The following DLG2 variants were observed in gnomAD, a reference collection of about 807,000 sequenced individuals.
DLG2 encodes the protein discs large MAGUK scaffold protein 2.
DLG2 carries 45 observed loss-of-function variants against 132.5 expected under a neutral mutation model. The ratio of observed to expected loss-of-function variants is 0.34; its 90% CI spans 0.27 to 0.44. DLG2 has a LOEUF of 0.44. Among genes scored for constraint, DLG2 ranks in the 20% least tolerant of loss-of-function variants. DLG2 has a pLI of 1.00. For missense variants in DLG2, 1,045 were observed against 1,196.9 expected (o/e 0.87, Z 1.87); for synonymous variants, 424 against 419.6 (o/e 1.01, Z -0.13).
At chr11:84,001,035 A>C (rs2094319039) in intron 11 of DLG2, among the ~76,000 whole-genome samples, 1 of 152,086 alleles carries the variant, frequency 6.6e-6, no homozygotes, top group Admixed American at 6.6e-5. Context: ...AGGAACAAAG[A>C]ACATACAGAA....
rs754062815 is a variant in DLG2 at position 84,474,025 on chromosome 11, A to G, written c.519+60545T>C. On this transcript the variant is annotated intron_variant, in intron 7 of 27. Coordinates refer to ENST00000376104, the MANE Select transcript of DLG2 (RefSeq NM_001142699.3). ...CTCCTATTTATGTCATCCTGCCACA[A>G]TGAGCATGCAGTTGTTCAATTCATA... Among the ~76,000 whole-genome samples the G allele has an allele frequency of 1.6e-4, 25 of 152,144 alleles. No homozygotes were observed. In the Middle Eastern group the frequency reaches 0.01, roughly 62 times the overall value.
intron 16 of DLG2, among the ~76,000 whole-genome samples, chr11:83,851,902 G>A (rs1352275235): frequency 6.7e-6 from 1 of 150,142 alleles, no homozygotes; most frequent in South Asian, 2.1e-4. Context: ...CTGGGTGACA[G>A]AGCGAGACTC....
At chr11:84,851,679 A>T (rs1282294845) in intron 6 of DLG2, among the ~76,000 whole-genome samples, 1 of 152,046 alleles carries the variant, frequency 6.6e-6, no homozygotes, top group Non-Finnish European at 1.5e-5. Context: ...TTTATCATAA[A>T]GAAAGTCTCA....
chr11:83,979,809 T>G (rs2092622261), intron 12 of DLG2, among the ~76,000 whole-genome samples: 1 of 152,152 alleles, frequency 6.6e-6, no homozygotes, highest in African/African-American at 2.4e-5. Context: ...AGCCAGGGTG[T>G]TGTTTCTATT....
rs774130814 is a variant in DLG2, at chr11:83,930,255, C to T, written c.1496+73G>A. 6.6e-5 allele frequency: 102 copies of T among 1,535,900 alleles called. No individual in the cohort carries two copies. In the Admixed American group the frequency reaches 1.2e-3, roughly 18 times the overall value. ...TTAGTGCAAGAGAAGTGAGCAGAGG[C>T]GGATTCTACCCATTTATCCTTGTGG... is the stretch of plus-strand genomic sequence containing the variant. On this transcript the variant is annotated intron_variant, in intron 15 of 27. Transcript: ENST00000376104.
At position 84,094,414 on chromosome 11, in the gene DLG2, G is replaced by A. The variant is rs377070926; in HGVS notation, c.749+4509C>T. On this transcript the variant is annotated intron_variant, in intron 10 of 27. Transcript: ENST00000376104. Reference sequence around the variant, plus strand: ...AGAGTTCAGATTTACTACTCTCCTTGGAGCAAACCCATCACCTTATTTCTG... The same window carrying A: ...AGAGTTCAGATTTACTACTCTCCTTAGAGCAAACCCATCACCTTATTTCTG... 1.7e-3 allele frequency among the ~76,000 whole-genome samples: 262 copies of A among 152,136 alleles called. 2 individuals carry two copies. The highest frequency in any genetic ancestry group is 6.2e-3 in the African/African-American group (256 of 41,486).
intron 11 of DLG2, among the ~76,000 whole-genome samples, chr11:84,051,185 A>C (rs531675391): frequency 8.2e-4 from 124 of 152,116 alleles, no homozygotes; most frequent in African/African-American, 2.9e-3. Flanking sequence ...GGGAGTGTAA[A>C]CTAGTTCAAC....
At chr11:83,728,453 C>T (rs1446609881) in intron 18 of DLG2, among the ~76,000 whole-genome samples, 1 of 152,224 alleles carries the variant, frequency 6.6e-6, no homozygotes. Context: ...CACACTCAAA[C>T]ACTGCTGCCT....
intron 15 of DLG2, among the ~76,000 whole-genome samples, chr11:83,895,780 C>T (rs1449561120): frequency 6.6e-6 from 1 of 152,200 alleles, no homozygotes; most frequent in African/African-American, 2.4e-5. Context: ...GGCATGTCCT[C>T]ATCAAGGCAT....
intron 3 of DLG2, among the ~76,000 whole-genome samples, chr11:85,475,046 A>G (rs1352882510): frequency 6.6e-6 from 1 of 151,688 alleles, no homozygotes; most frequent in Non-Finnish European, 1.5e-5. Context: ...TTAAAGACTA[A>G]TAAGATAAGC....
Position 85,175,536 on chromosome 11 carries a change from C to T in DLG2, c.187-20885G>A, listed in dbSNP as rs532177728. ...GAATGGGCAAAAGCTGGAAGCAGAA[C>T]CCTTGAAAACTGGCACAAGACAAGG... On this transcript the variant is annotated intron_variant, in intron 4 of 27. Transcript: ENST00000376104. Among the ~76,000 whole-genome samples, 4 of 152,242 alleles carry T rather than the reference C, an allele frequency of 2.6e-5. No individual in the cohort carries two copies. In the South Asian group the frequency reaches 6.2e-4, roughly 24 times the overall value.
At chr11:84,141,007 C>T in intron 9 of DLG2, among the ~76,000 whole-genome samples, 1 of 152,122 alleles carries the variant, frequency 6.6e-6, no homozygotes, top group East Asian at 1.9e-4. Flanking sequence ...AAAACAGAGG[C>T]TCAAAACTTA....
At chr11:84,574,307 T>C (rs1320337610) in intron 6 of DLG2, among the ~76,000 whole-genome samples, 3 of 151,890 alleles carry the variant, frequency 2.0e-5, no homozygotes, top group African/African-American at 4.8e-5. Context: ...GGATGTTATA[T>C]ACAAGATGTT....
intron 11 of DLG2, among the ~76,000 whole-genome samples, chr11:83,981,210 G>T (rs1054104533): frequency 6.6e-6 from 1 of 152,138 alleles, no homozygotes; most frequent in Non-Finnish European, 1.5e-5. Flanking sequence ...ATTTCAGAGA[G>T]AAGATAAGGA....
intron 3 of DLG2, among the ~76,000 whole-genome samples, chr11:85,585,997 G>A (rs912251456): frequency 6.6e-6 from 1 of 152,090 alleles, no homozygotes; most frequent in African/African-American, 2.4e-5. Context: ...GATTACAGGC[G>A]TGAGCCTCCA....
chr11:84,526,319 T>C (rs541599263), intron 7 of DLG2, among the ~76,000 whole-genome samples: 2 of 152,322 alleles, frequency 1.3e-5, no homozygotes, highest in East Asian at 3.9e-4. Context: ...AAACATACTT[T>C]GGGAGATGCT....
intron 3 of DLG2, among the ~76,000 whole-genome samples, chr11:85,467,217 G>A (rs373710663): frequency 7.2e-5 from 11 of 152,138 alleles, no homozygotes; most frequent in South Asian, 2.1e-4. Flanking sequence ...GGGCTGAGAC[G>A]ATGGGGTTTT....
At chr11:83,950,443 G>A (rs1225446631) in intron 14 of DLG2, among the ~76,000 whole-genome samples, 1 of 152,046 alleles carries the variant, frequency 6.6e-6, no homozygotes, top group Non-Finnish European at 1.5e-5. Flanking sequence ...AAAAATACAA[G>A]ATTAGCTGGG....
In DLG2 at chr11:85,146,871, G is replaced by A. The variant is rs140699713; in HGVS notation, c.282+7685C>T. Among the ~76,000 whole-genome samples the A allele has an allele frequency of 4.6e-5, 7 of 152,310 alleles. No individual in the cohort carries two copies. The East Asian group carries it at 1.2e-3, about 25-fold the overall frequency. On this transcript the variant is annotated intron_variant, in intron 5 of 27. Transcript: ENST00000376104. ...CATTAGGCTACTTTAGTCAGCCAAT[G>A]GTGGAGCTACCCCAAACTCAGGTTC...
Sources: gnomAD v4.1 joint callset for allele counts (sites outside exome capture counted in the v4.1 genomes callset) on GRCh38, gnomAD v4.1.1 for gene constraint, MANE v1.5 for transcripts, NCBI Gene and HGNC (gene_info 2026-07-23, HGNC 2026-07-21) for gene names.